The following ORC3 variants were observed in gnomAD, a reference collection of about 807,000 sequenced individuals.
ORC3 encodes the protein origin recognition complex subunit 3, also known as homolog of latheo, Drosophila.
A neutral mutation model predicts 100.7 loss-of-function variants in ORC3; 78 were observed. The ratio of observed to expected loss-of-function variants is 0.77; its 90% CI spans 0.65 to 0.94. The LOEUF (loss-of-function observed/expected upper bound fraction) is 0.94, where lower values mean the gene tolerates loss of function less well. ORC3 is among the 40% of genes least tolerant of loss of function. The probability of loss-of-function intolerance (pLI) is 0.00; values close to 1 mark genes in which losing one functional copy is unlikely to be tolerated. For missense variants in ORC3, 789 were observed against 823.9 expected, an observed-to-expected ratio of 0.96 and a Z score of 0.52; for synonymous variants, 295 against 289.3, an observed-to-expected ratio of 1.02 and a Z score of -0.20.
chr6:87,653,370 C>T, intron 14 of ORC3, 121 bp downstream of exon 14: 2 of 812,068 alleles, frequency 2.5e-6, no homozygotes, highest in South Asian at 2.5e-5. Flanking sequence ...CATGATCAGT[C>T]AGTATGCCAA....
intron 1 of ORC3, among the ~76,000 whole-genome samples, chr6:87,592,010 C>T (rs1314159053): frequency 1.3e-5 from 2 of 152,182 alleles, no homozygotes; most frequent in Admixed American, 6.5e-5. Context: ...GGATTACAGG[C>T]GTGAGCCACC....
intron 11 of ORC3, among the ~76,000 whole-genome samples, chr6:87,627,297 CT>C (rs71554739): frequency 0.086 from 9,761 of 113,364 alleles, 339 homozygotes; most frequent in Non-Finnish European, 0.12. Context: ...CCGCGCCCAG[CT>C]TTTTTTTTTT....
At chr6:87,676,694 C>T in the ORC3 span, among the ~76,000 whole-genome samples, 2 of 150,188 alleles carry the variant, frequency 1.3e-5, no homozygotes, top group Admixed American at 6.6e-5. Flanking sequence ...GCAGGAGAAT[C>T]GCTTGAGCCC....
At chr6:87,655,667 T>A (rs936807533) in intron 14 of ORC3, among the ~76,000 whole-genome samples, 52 of 142,756 alleles carry the variant, frequency 3.6e-4, no homozygotes, top group African/African-American at 1.2e-3. Flanking sequence ...ATTATTATTA[T>A]TTTTTTTTTT....
chr6:87,606,513 A>G (rs1340193324), intron 5 of ORC3, among the ~76,000 whole-genome samples: 4 of 151,902 alleles, frequency 2.6e-5, no homozygotes, highest in Non-Finnish European at 5.9e-5. Context: ...GAGTGTTCAC[A>G]CTAATATATT....
chr6:87,619,513 TCTC>T (rs1779389187), intron 9 of ORC3, among the ~76,000 whole-genome samples: 2 of 152,182 alleles, frequency 1.3e-5, no homozygotes, highest in Admixed American at 6.5e-5. Context: ...TTCAAGTGCT[TCTC>T]CTGCCTCAGC....
At chr6:87,641,355 G>C (rs1006328729) in intron 13 of ORC3, among the ~76,000 whole-genome samples, 2 of 152,106 alleles carry the variant, frequency 1.3e-5, no homozygotes, top group Non-Finnish European at 2.9e-5. Flanking sequence ...ACAGTTGACA[G>C]AGCTGAAACT....
intron 11 of ORC3, among the ~76,000 whole-genome samples, chr6:87,625,700 G>C (rs1442180187): frequency 6.6e-6 from 1 of 152,164 alleles, no homozygotes; most frequent in African/African-American, 2.4e-5. Flanking sequence ...AGTTTAATTA[G>C]ATCCCATTTG....
chr6:87,600,137 G>C (rs937687014), intron 2 of ORC3, among the ~76,000 whole-genome samples: 1 of 152,142 alleles, frequency 6.6e-6, no homozygotes, highest in Non-Finnish European at 1.5e-5. Context: ...AGTTAACTAT[G>C]ATTAGGAGAG....
Position 87,663,056 on chromosome 6 carries a change from G to T in ORC3, c.1745G>T (p.Ser582Ile). The T allele has an allele frequency of 1.9e-6, 3 of 1,613,200 alleles. No individual in the cohort carries two copies. In the African/African-American group the frequency reaches 4.0e-5, roughly 22 times the overall value. Residue 582 changes from serine to isoleucine, a missense_variant, in exon 17 of 20, where the codon AGT becomes ATT. Coordinates refer to ENST00000392844, the MANE Select transcript of ORC3 (RefSeq NM_012381.4). ...CCTCTCCATGAGGTGGTGTACTTCAGTGCTGCCCATGCCCTTCGTGAGCAT... is the reference window on the plus strand; with the variant it reads ...CCTCTCCATGAGGTGGTGTACTTCATTGCTGCCCATGCCCTTCGTGAGCAT... The part of the protein sequence containing the change: ...TQPLHEVVYF[S>I]AAHALREHLN...
At chr6:87,602,109 G>T (rs1035368970) in intron 3 of ORC3, among the ~76,000 whole-genome samples, 1 of 152,050 alleles carries the variant, frequency 6.6e-6, no homozygotes, top group African/African-American at 2.4e-5. Flanking sequence ...GTGTGCACTT[G>T]TAATTCCAGC....
intron 8 of ORC3, 131 bp downstream of exon 8, chr6:87,612,379 C>A (rs543845572): frequency 2.1e-6 from 1 of 486,202 alleles, no homozygotes; most frequent in Non-Finnish European, 3.4e-6. Flanking sequence ...CCTTCACATA[C>A]TTTAATATTT....
intron 11 of ORC3, among the ~76,000 whole-genome samples, chr6:87,627,297 CTTTT>C (rs71554739): frequency 3.5e-5 from 4 of 113,424 alleles, no homozygotes; most frequent in Admixed American, 1.0e-4. Flanking sequence ...CCGCGCCCAG[CTTTT>C]TTTTTTTTTT....
chr6:87,590,225 C>T, intron 1 of ORC3, 33 bp downstream of exon 1: 1 of 1,608,540 alleles, frequency 6.2e-7, no homozygotes, highest in Non-Finnish European at 8.5e-7. Context: ...TGTGGCTCTA[C>T]CGCTGCCTCA....
chr6:87,656,673 G>A (rs1769723974), intron 14 of ORC3, among the ~76,000 whole-genome samples: 1 of 151,946 alleles, frequency 6.6e-6, no homozygotes, highest in Non-Finnish European at 1.5e-5. Flanking sequence ...TTTCATTGTG[G>A]TTACACTTTT....
intron 15 of ORC3, among the ~76,000 whole-genome samples, chr6:87,657,335 G>T (rs1769792848): frequency 6.6e-6 from 1 of 152,164 alleles, no homozygotes; most frequent in African/African-American, 2.4e-5. Context: ...AGATTTAAAA[G>T]AGCCTAACTA....
downstream of ORC3, among the ~76,000 whole-genome samples, chr6:87,671,965 A>G (rs1444097259): frequency 1.3e-5 from 2 of 152,234 alleles, no homozygotes; most frequent in African/African-American, 2.4e-5. Context: ...CAGTTTACAG[A>G]AAGTTCAAAG....
chr6:87,603,269 G>A (rs1373798055), intron 3 of ORC3, 115 bp from the exon 4 acceptor site: 3 of 555,012 alleles, frequency 5.4e-6, no homozygotes. Flanking sequence ...TTTTAATTAG[G>A]TTCATCTTTT....
At chr6:87,668,196 A>G (rs76852313), downstream of ORC3, among the ~76,000 whole-genome samples, 1 of 152,144 alleles carries the variant, frequency 6.6e-6, no homozygotes, top group Non-Finnish European at 1.5e-5. Flanking sequence ...ACTCACTAAC[A>G]TACAAAATTA....
Sources: gnomAD v4.1 joint callset for allele counts (sites outside exome capture counted in the v4.1 genomes callset) on GRCh38, gnomAD v4.1.1 for gene constraint, MANE v1.5 for transcripts, NCBI Gene and HGNC (gene_info 2026-07-23, HGNC 2026-07-21) for gene names.